HMCN1: variants seen among roughly 807,000 people sequenced by gnomAD.
HMCN1 encodes the protein hemicentin-1.
In HMCN1, 321 loss-of-function variants were observed where a neutral mutation model predicts 625.9. The observed-to-expected ratio is 0.51, with a 90% CI of 0.47 to 0.56. The LOEUF is 0.56. Ranked by LOEUF, HMCN1 falls within the 20% of genes least tolerant of loss-of-function variation. The probability of loss-of-function intolerance (pLI) is 0.00; values close to 1 mark genes in which losing one functional copy is unlikely to be tolerated. For synonymous variants in HMCN1, 2,425 were observed against 2,417.6 expected (o/e 1.00, Z -0.09); for missense variants, 6,588 against 6,887.3 (o/e 0.96, Z 1.54).
chr1:186,091,226 A>G (rs1364731818), intron 64 of HMCN1, among the ~76,000 whole-genome samples: 1 of 152,020 alleles, frequency 6.6e-6, no homozygotes, highest in Non-Finnish European at 1.5e-5. Context: ...TAATTTCAGA[A>G]TGATTATGCT....
intron 1 of HMCN1, among the ~76,000 whole-genome samples, chr1:185,794,553 C>T (rs147149194): frequency 0.047 from 6,961 of 147,534 alleles, 534 homozygotes; most frequent in African/African-American, 0.16. Context: ...GCATCCAGTA[C>T]GGGAGAAAGA....
chr1:186,145,806 G>A lies in HMCN1; in HGVS notation c.14491G>A (p.Gly4831Arg), dbSNP rs774478146. The change falls in exon 93 of 107, where the codon GGA becomes AGA. Residue 4831 changes from glycine to arginine, a missense_variant. Gly to Arg is a moderately radical substitution (Grantham distance 125). This residue lies in a region of HMCN1 where 1,954 missense variants were observed against 2,013.1 expected (regional missense o/e 0.97). Transcript: ENST00000271588. ...HSWSQCSASC[G>R]GGEKTRKRLC... The stretch of plus-strand genomic sequence containing the variant: ...TTGGAGCCAGTGCTCTGCCTCCTGT[G>A]GAGGAGGTGAAAAGACTCGGAAGCG... The A allele has an allele frequency of 4.2e-5, 68 of 1,613,974 alleles. No homozygotes were observed. In the Admixed American group the frequency reaches 1.0e-3, roughly 25 times the overall value.
intron 97 of HMCN1, among the ~76,000 whole-genome samples, chr1:186,163,156 TC>T (rs1651630202): frequency 4.6e-5 from 7 of 152,212 alleles, no homozygotes; most frequent in Non-Finnish European, 1.5e-5. Flanking sequence ...CAGTTTGATC[TC>T]AGACTGCTGT....
intron 1 of HMCN1, among the ~76,000 whole-genome samples, chr1:185,743,991 T>TG (rs1557935821): frequency 4.3e-5 from 6 of 139,884 alleles, no homozygotes; most frequent in African/African-American, 1.6e-4. Flanking sequence ...TGTTTTTTTT[T>TG]TTTTTTTTTT....
intron 24 of HMCN1, among the ~76,000 whole-genome samples, chr1:185,995,727 C>G (rs1462178305): frequency 6.6e-6 from 1 of 151,960 alleles, no homozygotes; most frequent in African/African-American, 2.4e-5. Flanking sequence ...TGAGAGTTGC[C>G]TATGTTAGAT....
chr1:185,739,882 G>C (rs1463094530), intron 1 of HMCN1, among the ~76,000 whole-genome samples: 2 of 152,178 alleles, frequency 1.3e-5, no homozygotes, highest in Admixed American at 6.5e-5. Context: ...CGGTCATTAG[G>C]GAAGTCCTCA....
intron 30 of HMCN1, 136 bp downstream of exon 30, chr1:186,007,418 T>C (rs1005316925): frequency 1.2e-5 from 9 of 766,192 alleles, no homozygotes; most frequent in Middle Eastern, 2.6e-4. Flanking sequence ...AAGGAGCTTA[T>C]CTTCATGTGT....
At chr1:185,743,454 A>G (rs1031162199) in intron 1 of HMCN1, among the ~76,000 whole-genome samples, 1 of 152,218 alleles carries the variant, frequency 6.6e-6, no homozygotes, top group Non-Finnish European at 1.5e-5. Flanking sequence ...TTTCTAAAGC[A>G]GGTGATTTTG....
At position 185,826,208 on chromosome 1, in the gene HMCN1, A is replaced by G. The variant is rs16824542; in HGVS notation, c.269-19818A>G. 8.9e-3 allele frequency among the ~76,000 whole-genome samples: 1,356 copies of G among 152,308 alleles called. 15 individuals are homozygous for G. The highest frequency in any genetic ancestry group is 0.031 in the African/African-American group (1,288 of 41,542). On this transcript the variant is annotated intron_variant, in intron 1 of 106. Transcript: ENST00000271588. ...CTGAATGTATAAAACATGGATTTTG[A>G]GGATATTCGATTAAGACAAAAATTA...
chr1:186,103,621 G>A lies in HMCN1; in HGVS notation c.10723G>A (p.Val3575Met), dbSNP rs1243018678. The stretch of plus-strand genomic sequence containing the variant: ...CCGGCCCCTTCCACAGACGGATCAA[G>A]TGCAAACTCTAGGAGGAGGAGAGGT... ...DGRPLPQTDQ[V>M]QTLGGGEVLR... Residue 3575 changes from valine to methionine, a missense_variant, in exon 69 of 107, where the codon GTG (valine) becomes ATG (methionine). Val to Met is a conservative substitution (Grantham distance 21). Transcript: ENST00000271588. 3.1e-6 allele frequency: 5 copies of A among 1,613,780 alleles called. No homozygotes were observed. In the African/African-American group the frequency reaches 4.0e-5, roughly 13 times the overall value.
At chr1:186,067,353 T>C (rs1224660025) in intron 49 of HMCN1, among the ~76,000 whole-genome samples, 1 of 152,284 alleles carries the variant, frequency 6.6e-6, no homozygotes, top group Admixed American at 6.5e-5. Flanking sequence ...CCTCCCGATA[T>C]ACCCTGCTTG....
chr1:185,829,353 G>A (rs775590253), intron 1 of HMCN1, among the ~76,000 whole-genome samples: 10 of 151,468 alleles, frequency 6.6e-5, no homozygotes, highest in Non-Finnish European at 1.2e-4. Context: ...GTATACATGC[G>A]CCATGGTGGT....
At chr1:185,978,033 T>G (rs1651353527) in intron 16 of HMCN1, 52 bp downstream of exon 16, 1 of 1,281,104 alleles carries the variant, frequency 7.8e-7, no homozygotes, top group African/African-American at 1.5e-5. Context: ...ATGTTATATA[T>G]TTATGTTTTA....
chr1:185,879,384 C>T (rs1021435428), intron 4 of HMCN1, among the ~76,000 whole-genome samples: 2 of 152,086 alleles, frequency 1.3e-5, no homozygotes, highest in African/African-American at 4.8e-5. Flanking sequence ...GTTGCCCAGG[C>T]TGGTTTCAAA....
In HMCN1 at chr1:186,088,630, G is replaced by A. The variant is rs149077801; in HGVS notation, c.9602G>A (p.Arg3201His). Residue 3201 changes from arginine (R) to histidine (H), a missense_variant, in exon 63 of 107, where the codon CGT becomes CAT. This residue lies in a region of HMCN1 where 4,628 missense variants were observed against 4,853.1 expected (regional missense o/e 0.95). Coordinates refer to ENST00000271588, the MANE Select transcript of HMCN1 (RefSeq NM_031935.3). ...GAAAATTCTGACTCACTGGAAGTTC[G>A]TATTTTGTCTGGAGGTAGCAAACTC... ...RIENSDSLEV[R>H]ILSGGSKLQI... is the part of the protein sequence containing the mutation. 1.9e-4 allele frequency: 299 copies of A among 1,611,722 alleles called. 1 individual carries two copies. In the African/African-American group the frequency reaches 3.5e-3, roughly 19 times the overall value.
intron 105 of HMCN1, among the ~76,000 whole-genome samples, chr1:186,182,497 G>A (rs571779315): frequency 3.0e-4 from 46 of 152,214 alleles, no homozygotes; most frequent in African/African-American, 1.1e-3. Flanking sequence ...AACATTTTTG[G>A]TATGGTCTTA....
At chr1:185,762,628 A>G (rs61831530) in intron 1 of HMCN1, among the ~76,000 whole-genome samples, 5,603 of 152,304 alleles carry the variant, frequency 0.037, 147 homozygotes, top group Middle Eastern at 0.11. Context: ...CAGAGAGGCT[A>G]ACAAGATAGG....
intron 1 of HMCN1, among the ~76,000 whole-genome samples, chr1:185,758,228 C>T (rs1272354632): frequency 6.6e-6 from 1 of 152,186 alleles, no homozygotes; most frequent in Non-Finnish European, 1.5e-5. Context: ...TTCACTTATG[C>T]ACTCAAGAAA....
Position 185,835,076 on chromosome 1 carries a change from A to C in HMCN1, c.269-10950A>C, listed in dbSNP as rs556584113. On this transcript the variant is annotated intron_variant, in intron 1 of 106. Transcript: ENST00000271588. ...AATTGTTATGAATGGATATCTGTAA[A>C]ACACAGGTCAATTACTGCATTTTGG... 5.3e-5 allele frequency among the ~76,000 whole-genome samples: 8 copies of C among 152,330 alleles called. No homozygotes were observed. The East Asian group carries it at 1.5e-3, about 29-fold the overall frequency.
Sources: allele counts gnomAD v4.1 joint callset (sites outside exome capture counted in the v4.1 genomes callset), GRCh38; gene constraint gnomAD v4.1.1; regional missense constraint gnomAD v4.1.1; transcripts MANE v1.5; gene names NCBI Gene and HGNC (gene_info 2026-07-23, HGNC 2026-07-21).